Variants in NABP2 observed in about 807,000 individuals in gnomAD.
NABP2 encodes the protein SOSS complex subunit B1.
NABP2 carries 7 observed loss-of-function variants against 22.7 expected under a neutral mutation model. That is an observed-to-expected ratio of 0.31 (90% CI 0.18 to 0.58). The LOEUF (loss-of-function observed/expected upper bound fraction) is 0.58, where lower values mean the gene tolerates loss of function less well. NABP2 is among the 20% of genes least tolerant of loss of function. The probability of loss-of-function intolerance (pLI) is 0.89; values close to 1 mark genes in which losing one functional copy is unlikely to be tolerated. For synonymous variants in NABP2, 107 were observed against 99.2 expected (o/e 1.08, Z -0.47); for missense variants, 188 against 265.9 (o/e 0.71, Z 2.04).
chr12:56,224,473 T>C (rs1869663508), intron 1 of NABP2, 32 bp downstream of exon 1: 2 of 1,056,444 alleles, frequency 1.9e-6, no homozygotes, highest in Middle Eastern at 2.7e-4. Flanking sequence ...GGGGAGGGGA[T>C]GGACCGAGTC....
At chr12:56,223,844 G>T (rs1412089220), upstream of NABP2, 4 of 152,130 alleles carry the variant, frequency 2.6e-5, no homozygotes, top group African/African-American at 9.7e-5. Flanking sequence ...TGTGGAGAAT[G>T]GGGTCTCGTT....
At chr12:56,223,396 C>CA (rs1294292896), upstream of NABP2, among the ~76,000 whole-genome samples, 5 of 151,350 alleles carry the variant, frequency 3.3e-5, no homozygotes, top group Admixed American at 1.3e-4. Flanking sequence ...ACTGTCTCTA[C>CA]AAAAAAAATA....
chr12:56,229,511 G>T lies in NABP2; in HGVS notation c.*298G>T, dbSNP rs184324657. The T allele has an allele frequency of 1.3e-4, 47 of 363,774 alleles. No individual in the cohort carries two copies. The highest frequency in any genetic ancestry group is 2.0e-4 in the Non-Finnish European group (38 of 193,082). 22.5% of individuals were successfully genotyped at this position (363,774 alleles called of 1,614,324 possible). A position where few individuals can be genotyped will look rare whatever the true frequency, so the allele number is the denominator to read the frequency against. On this transcript the variant is annotated 3_prime_UTR_variant, in exon 7 of 7. Transcript: ENST00000267023. ...GCACTTTGGGAAGCCGAGGTGGGCGGATCACCTGAGGTCGGGAGTTCAAGA... is the reference window on the plus strand; with the variant it reads ...GCACTTTGGGAAGCCGAGGTGGGCGTATCACCTGAGGTCGGGAGTTCAAGA...
Position 56,226,152 on chromosome 12 carries a change from G to A in NABP2, c.291-27G>A, listed in dbSNP as rs373114071. Reference sequence around the variant, plus strand: ...GCAGTGGCCCAGAGGATGAATTCAAGGCTTTAGCTACTTTCTTCCCTTGCA... The same window carrying A: ...GCAGTGGCCCAGAGGATGAATTCAAAGCTTTAGCTACTTTCTTCCCTTGCA... On this transcript the variant is annotated intron_variant, in intron 4 of 6. Transcript: ENST00000267023. 2.9e-5 allele frequency: 47 copies of A among 1,610,748 alleles called. No individual in the cohort carries two copies. In the African/African-American group the frequency reaches 5.5e-4, roughly 19 times the overall value.
rs192730330 is a variant in NABP2, at chr12:56,229,803, G to C, written c.*590G>C. On this transcript the variant is annotated 3_prime_UTR_variant, in exon 7 of 7. Transcript: ENST00000267023. ...GTTACCATCTGTTTCTTCTGTGTGA[G>C]ACATGGGAGTCTAACTGAAGTCTCT... 239 of 155,890 alleles carry C rather than the reference G, an allele frequency of 1.5e-3. No individual in the cohort carries two copies. The highest frequency in any genetic ancestry group is 2.7e-3 in the Non-Finnish European group (193 of 70,330). 9.7% of individuals were successfully genotyped at this position (155,890 alleles called of 1,614,324 possible).
intron 6 of NABP2, among the ~76,000 whole-genome samples, chr12:56,227,074 A>G (rs1869807807): frequency 1.3e-5 from 2 of 149,712 alleles, no homozygotes; most frequent in Non-Finnish European, 3.0e-5. Context: ...CAGTAGAGAT[A>G]TGGTTTAAGA....
upstream of NABP2, among the ~76,000 whole-genome samples, chr12:56,224,056 C>G (rs1449091686): frequency 6.6e-6 from 1 of 152,208 alleles, no homozygotes; most frequent in Admixed American, 6.5e-5. Context: ...TGCTCCTTTT[C>G]CCATTGTGTC....
chr12:56,223,220 G>T (rs893260296), upstream of NABP2, among the ~76,000 whole-genome samples: 4 of 152,014 alleles, frequency 2.6e-5, no homozygotes, highest in Non-Finnish European at 5.9e-5. Flanking sequence ...CAACCTGGGC[G>T]ACAGAGCAAG....
upstream of NABP2, among the ~76,000 whole-genome samples, chr12:56,223,229 A>G (rs1267353514): frequency 6.6e-6 from 1 of 152,018 alleles, no homozygotes; most frequent in African/African-American, 2.4e-5. Flanking sequence ...CGACAGAGCA[A>G]GACTCCTTTG....
In NABP2 at chr12:56,229,087, T is replaced by TTGCCCCCCCCCCCCCCCC; in HGVS notation, c.510_511insTGCCCCCCCCCCCCCCCC (p.Thr170_Pro171insCysProProProProPro). On this transcript the variant is annotated inframe_insertion, in exon 7 of 7. Transcript: ENST00000267023. The stretch of plus-strand genomic sequence containing the variant: ...GTGGTGGCCCACATCCCCCTCATAC[T>TTGCCCCCCCCCCCCCCCC]CCCTCCCACCCACCCAGCACCCGAA... 2 of 1,512,318 alleles carry TTGCCCCCCCCCCCCCCCC rather than the reference T, an allele frequency of 1.3e-6. No homozygotes were observed. The highest frequency in any genetic ancestry group is 1.8e-6 in the Non-Finnish European group (2 of 1,101,998). The allele number at this position is 1,512,318 out of a possible 1,614,324, so 93.7% of individuals were successfully genotyped here.
At chr12:56,223,894 A>G (rs1365819375), upstream of NABP2, among the ~76,000 whole-genome samples, 1 of 152,104 alleles carries the variant, frequency 6.6e-6, no homozygotes, top group Non-Finnish European at 1.5e-5. Context: ...GACTCATGCT[A>G]TCCTCCAGCC....
rs1410405450 is a variant in NABP2, at chr12:56,224,818, T to C, written c.-23-16T>C. On this transcript the variant is annotated splice_polypyrimidine_tract_variant and intron_variant, in intron 1 of 6. Transcript: ENST00000267023. The stretch of plus-strand genomic sequence containing the variant: ...GGATCCAAGCATTGAGCCTTCATCC[T>C]CTATTCCCCATCCAGTGGGGTGCCG... 15 of 1,605,642 alleles carry C rather than the reference T, an allele frequency of 9.3e-6. No individual in the cohort carries two copies. In the African/African-American group the frequency reaches 1.7e-4, roughly 19 times the overall value.
Position 56,229,087 on chromosome 12 carries a change from T to TTGCGCCCC in NABP2, c.510_511insTGCGCCCC (p.Pro171CysfsTer65). Reference sequence around the variant, plus strand: ...GTGGTGGCCCACATCCCCCTCATACTCCCTCCCACCCACCCAGCACCCGAA... The same window carrying TTGCGCCCC: ...GTGGTGGCCCACATCCCCCTCATACTTGCGCCCCCCCTCCCACCCACCCAGCACCCGAA... On this transcript the variant is annotated frameshift_variant, in exon 7 of 7. Coordinates refer to ENST00000267023, the MANE Select transcript of NABP2 (RefSeq NM_024068.4). LOFTEE classifies it high-confidence loss of function. 6.6e-7 allele frequency: 1 copy of TTGCGCCCC among 1,512,346 alleles called. No homozygotes were observed. Among genetic ancestry groups the TTGCGCCCC allele is most frequent in the Non-Finnish European group, 9.1e-7 (1 of 1,102,014 alleles). The allele number at this position is 1,512,346 out of a possible 1,614,324, so 93.7% of individuals were successfully genotyped here. A position where few individuals can be genotyped will look rare whatever the true frequency, so the allele number is the denominator to read the frequency against.
At position 56,229,087 on chromosome 12, in the gene NABP2, T is replaced by TTGCCCGCCCC; in HGVS notation, c.510_511insTGCCCGCCCC (p.Pro171CysfsTer33). ...GTGGTGGCCCACATCCCCCTCATAC[T>TTGCCCGCCCC]CCCTCCCACCCACCCAGCACCCGAA... On this transcript the variant is annotated frameshift_variant, in exon 7 of 7. Coordinates refer to ENST00000267023, the MANE Select transcript of NABP2 (RefSeq NM_024068.4). LOFTEE classifies it high-confidence loss of function. 1.7e-5 allele frequency: 25 copies of TTGCCCGCCCC among 1,512,302 alleles called. No individual in the cohort carries two copies. Among genetic ancestry groups the TTGCCCGCCCC allele is most frequent in the Non-Finnish European group, 2.3e-5 (25 of 1,101,972 alleles). 93.7% of individuals were successfully genotyped at this position (1,512,302 alleles called of 1,614,324 possible).
intron 4 of NABP2, among the ~76,000 whole-genome samples, chr12:56,225,944 C>T (rs569313950): frequency 3.7e-4 from 56 of 152,202 alleles, no homozygotes; most frequent in Non-Finnish European, 3.2e-4. Context: ...AGACTACAGG[C>T]GTGCTTCACC....
intron 3 of NABP2, 40 bp from the exon 4 acceptor site, chr12:56,225,584 A>G: frequency 6.2e-7 from 1 of 1,614,076 alleles, no homozygotes; most frequent in Non-Finnish European, 8.5e-7. Context: ...TCCCTATAAC[A>G]CTTCTGAGTA....
At chr12:56,226,694 T>C (rs1165297250) in intron 6 of NABP2, among the ~76,000 whole-genome samples, 1 of 144,648 alleles carries the variant, frequency 6.9e-6, no homozygotes, top group African/African-American at 2.5e-5. Flanking sequence ...GCCTCCCAAG[T>C]AACTAGGATT....
Position 56,225,608 on chromosome 12 carries a change from T to C in NABP2, c.219-16T>C. The C allele has an allele frequency of 6.2e-7, 1 of 1,614,152 alleles. No homozygotes were observed. On this transcript the variant is annotated splice_polypyrimidine_tract_variant and intron_variant, in intron 3 of 6. Coordinates refer to ENST00000267023, the MANE Select transcript of NABP2 (RefSeq NM_024068.4). ...CACTTCTGAGTACTGAATTTTGCTT[T>C]TTTTGCCTCCCATAGGTACGCTTCA...
At chr12:56,224,227 G>A, upstream of NABP2, 1 of 666,814 alleles carries the variant, frequency 1.5e-6, no homozygotes, top group Non-Finnish European at 1.9e-6. Flanking sequence ...CCTTCGCGGC[G>A]CACGAGTCTC....
Sources: gnomAD v4.1 joint callset for allele counts (sites outside exome capture counted in the v4.1 genomes callset) on GRCh38, gnomAD v4.1.1 for gene constraint, MANE v1.5 for transcripts, NCBI Gene and HGNC (gene_info 2026-07-23, HGNC 2026-07-21) for gene names.